Variants in NALF1 observed in about 807,000 individuals in gnomAD.
NALF1 encodes NALCN channel auxiliary factor 1, also known as family with sequence similarity 155 member A.
A neutral mutation model predicts 48.4 loss-of-function variants in NALF1; 3 were observed. That is an observed-to-expected ratio of 0.06 (90% CI 0.03 to 0.16). NALF1 has a LOEUF of 0.16. Ranked by LOEUF, NALF1 falls within the 10% of genes least tolerant of loss-of-function variation. The probability of loss-of-function intolerance (pLI) is 1.00; values close to 1 mark genes in which losing one functional copy is unlikely to be tolerated. For synonymous variants in NALF1, 262 were observed against 245.7 expected, an observed-to-expected ratio of 1.07 and a Z score of -0.62; for missense variants, 526 against 571.5, an observed-to-expected ratio of 0.92 and a Z score of 0.81.
intron 1 of NALF1, among the ~76,000 whole-genome samples, chr13:107,749,638 C>T (rs1207616221): frequency 6.6e-6 from 1 of 151,816 alleles, no homozygotes; most frequent in African/African-American, 2.4e-5. Flanking sequence ...CTACAGTATA[C>T]TGTAGTTGTT....
chr13:107,567,661 G>A (rs1246207009), intron 1 of NALF1, among the ~76,000 whole-genome samples: 3 of 152,158 alleles, frequency 2.0e-5, no homozygotes, highest in Non-Finnish European at 2.9e-5. Flanking sequence ...GGTTGAATGG[G>A]TGTGTCTGTA....
At chr13:107,545,641 G>A (rs527311774) in intron 1 of NALF1, among the ~76,000 whole-genome samples, 1 of 152,150 alleles carries the variant, frequency 6.6e-6, no homozygotes, top group East Asian at 1.9e-4. Flanking sequence ...TTCCAAGCAG[G>A]AACCAGCATG....
chr13:107,759,243 C>T (rs1452514345), intron 1 of NALF1, among the ~76,000 whole-genome samples: 1 of 152,176 alleles, frequency 6.6e-6, no homozygotes, highest in Non-Finnish European at 1.5e-5. Flanking sequence ...TAGTCTTGCT[C>T]TGTCACCCAG....
intron 1 of NALF1, among the ~76,000 whole-genome samples, chr13:107,340,511 T>C (rs949578105): frequency 7.1e-6 from 1 of 141,302 alleles, no homozygotes; most frequent in African/African-American, 2.7e-5. Context: ...CTTTCTTTTC[T>C]TTCTTTCTCT....
At chr13:107,730,748 T>C (rs940916267) in intron 1 of NALF1, among the ~76,000 whole-genome samples, 7 of 152,194 alleles carry the variant, frequency 4.6e-5, no homozygotes, top group African/African-American at 1.7e-4. Context: ...CATCTCCAAA[T>C]GAATCACCAC....
At chr13:107,611,788 T>A (rs974621710) in intron 1 of NALF1, among the ~76,000 whole-genome samples, 9 of 151,224 alleles carry the variant, frequency 6.0e-5, no homozygotes, top group African/African-American at 1.9e-4. Context: ...CAGGGAATGG[T>A]GGCATACACC....
At chr13:107,443,599 T>C (rs1194964538) in intron 1 of NALF1, among the ~76,000 whole-genome samples, 4 of 152,210 alleles carry the variant, frequency 2.6e-5, no homozygotes, top group Admixed American at 1.3e-4. Context: ...GAAAACTTTC[T>C]CTTTAAACTA....
chr13:107,689,665 A>C (rs1881521970), intron 1 of NALF1, among the ~76,000 whole-genome samples: 2 of 152,180 alleles, frequency 1.3e-5, no homozygotes. Flanking sequence ...GGATTTTCAA[A>C]TTCTCCATGT....
intron 2 of NALF1, among the ~76,000 whole-genome samples, chr13:107,171,493 T>C (rs1290313216): frequency 6.6e-6 from 1 of 152,208 alleles, no homozygotes; most frequent in Non-Finnish European, 1.5e-5. Context: ...CAATTGTGCC[T>C]ATCAGGAATT....
chr13:107,276,696 T>G (rs1179984198), intron 1 of NALF1, among the ~76,000 whole-genome samples: 1 of 152,158 alleles, frequency 6.6e-6, no homozygotes. Context: ...TTAAACTCTT[T>G]AGAGGAAATA....
intron 1 of NALF1, among the ~76,000 whole-genome samples, chr13:107,458,458 T>C (rs1884862300): frequency 6.6e-6 from 1 of 152,092 alleles, no homozygotes; most frequent in Admixed American, 6.5e-5. Flanking sequence ...TCGCCGGCAA[T>C]ACAGGGATGC....
intron 1 of NALF1, among the ~76,000 whole-genome samples, chr13:107,845,263 A>C (rs1480724461): frequency 1.3e-5 from 2 of 152,228 alleles, no homozygotes; most frequent in Non-Finnish European, 2.9e-5. Context: ...ACATCAGTGT[A>C]ATGCTATTAG....
At chr13:107,259,194 A>T (rs573372255) in intron 1 of NALF1, among the ~76,000 whole-genome samples, 47 of 152,180 alleles carry the variant, frequency 3.1e-4, no homozygotes, top group Non-Finnish European at 6.0e-4. Flanking sequence ...CCATAAGCTG[A>T]TAAACTTTTT....
intron 1 of NALF1, among the ~76,000 whole-genome samples, chr13:107,439,150 T>C (rs1261277765): frequency 6.6e-6 from 1 of 152,146 alleles, no homozygotes; most frequent in Non-Finnish European, 1.5e-5. Flanking sequence ...ATTGGTTATC[T>C]CATTGTAATC....
At chr13:107,181,548 G>T (rs1297410313) in intron 2 of NALF1, among the ~76,000 whole-genome samples, 1 of 143,580 alleles carries the variant, frequency 7.0e-6, no homozygotes. Context: ...ATTATATTAA[G>T]TTCAACAATG....
At chr13:107,569,296 C>T (rs911144572) in intron 1 of NALF1, among the ~76,000 whole-genome samples, 142 of 151,726 alleles carry the variant, frequency 9.4e-4, no homozygotes, top group Middle Eastern at 3.4e-3. Flanking sequence ...GGTGAAACCC[C>T]GTCTCTACTA....
At chr13:107,538,543 T>C (rs1876907961) in intron 1 of NALF1, among the ~76,000 whole-genome samples, 2 of 152,168 alleles carry the variant, frequency 1.3e-5, no homozygotes, top group African/African-American at 4.8e-5. Context: ...ATCTCATAAA[T>C]TCTGTTTGTC....
At chr13:107,237,017 A>G (rs1350170244) in intron 1 of NALF1, among the ~76,000 whole-genome samples, 1 of 151,922 alleles carries the variant, frequency 6.6e-6, no homozygotes, top group African/African-American at 2.4e-5. Flanking sequence ...GGAACTGCAC[A>G]TCTTTGGATT....
At chr13:107,681,440 C>G (rs946382922) in intron 1 of NALF1, among the ~76,000 whole-genome samples, 1 of 151,888 alleles carries the variant, frequency 6.6e-6, no homozygotes, top group Admixed American at 6.6e-5. Flanking sequence ...TCCCTAATTG[C>G]CCTGGGGTGC....
Sources: gnomAD v4.1 joint callset for allele counts (sites outside exome capture counted in the v4.1 genomes callset) on GRCh38, gnomAD v4.1.1 for gene constraint, MANE v1.5 for transcripts, NCBI Gene and HGNC (gene_info 2026-07-23, HGNC 2026-07-21) for gene names.